SATB1: variants seen among roughly 807,000 people sequenced by gnomAD.
The protein encoded by SATB1 is DNA-binding protein SATB1.
Under a neutral mutation model 86.9 loss-of-function variants are expected in SATB1, and 11 were observed. The ratio of observed to expected loss-of-function variants is 0.13; its 90% CI spans 0.08 to 0.21. SATB1 has a LOEUF of 0.21. Among genes scored for constraint, SATB1 ranks in the 10% least tolerant of loss-of-function variants. The probability of loss-of-function intolerance (pLI) is 1.00; values close to 1 mark genes in which losing one functional copy is unlikely to be tolerated. For synonymous variants in SATB1, 357 were observed against 357.2 expected (o/e 1.00, Z 0.01); for missense variants, 551 against 937.6 (o/e 0.59, Z 5.39).
chr3:18,383,607 G>A (rs1696167703), intron 8 of SATB1, among the ~76,000 whole-genome samples: 2 of 152,066 alleles, frequency 1.3e-5, no homozygotes, highest in Admixed American at 1.3e-4. Flanking sequence ...CTCCTCTTTG[G>A]CAAAATGTAA....
chr3:18,409,408 A>C (rs891412260), intron 5 of SATB1: 2 of 152,058 alleles, frequency 1.3e-5, no homozygotes, highest in African/African-American at 4.8e-5. Flanking sequence ...ACACATTATA[A>C]TATTAACACA....
upstream of SATB1, among the ~76,000 whole-genome samples, chr3:18,425,816 A>C (rs1047838476): frequency 2.0e-4 from 13 of 63,452 alleles, no homozygotes; most frequent in South Asian, 1.2e-3. Flanking sequence ...TGTGAGTGGG[A>C]GGGAGGAGGG....
intron 5 of SATB1, among the ~76,000 whole-genome samples, chr3:18,408,360 G>T (rs576134501): frequency 2.0e-5 from 3 of 151,914 alleles, no homozygotes; most frequent in Non-Finnish European, 4.4e-5. Flanking sequence ...TTTCTGTAGC[G>T]CCCTTCATGC....
At chr3:18,418,029 G>A (rs73177745) in intron 2 of SATB1, among the ~76,000 whole-genome samples, 1,559 of 152,222 alleles carry the variant, frequency 0.01, 25 homozygotes, top group African/African-American at 0.028. Context: ...TTTATGCAGC[G>A]CACTGTCAGA....
At chr3:18,439,466 T>C (rs552379599), upstream of SATB1, among the ~76,000 whole-genome samples, 4 of 152,286 alleles carry the variant, frequency 2.6e-5, no homozygotes, top group South Asian at 8.3e-4. Flanking sequence ...AAAGATACCA[T>C]TGGCATAAGT....
chr3:18,371,810 C>T (rs1227980620), intron 9 of SATB1, among the ~76,000 whole-genome samples: 1 of 152,138 alleles, frequency 6.6e-6, no homozygotes, highest in African/African-American at 2.4e-5. Flanking sequence ...AGAAAAAACA[C>T]TTTCATCTTC....
chr3:18,401,483 T>G (rs1236789167), intron 5 of SATB1, among the ~76,000 whole-genome samples: 2 of 152,132 alleles, frequency 1.3e-5, no homozygotes, highest in African/African-American at 4.8e-5. Context: ...TCTCTCAGTG[T>G]CTATTTATAT....
intron 5 of SATB1, among the ~76,000 whole-genome samples, chr3:18,414,703 C>T (rs1008832437): frequency 3.3e-5 from 5 of 151,982 alleles, no homozygotes; most frequent in Admixed American, 6.6e-5. Context: ...TCAGATAGCA[C>T]GGTGAAGTTT....
chr3:18,443,024 C>T (rs541347283), upstream of SATB1, among the ~76,000 whole-genome samples: 4 of 152,308 alleles, frequency 2.6e-5, no homozygotes, highest in African/African-American at 9.6e-5. The surrounding 1 kb of genome is among the most constrained non-coding windows in gnomAD (Gnocchi z 4.4). Flanking sequence ...TTTCTTCAGA[C>T]TTAAAGTATG....
chr3:18,394,879 G>T lies in SATB1; in HGVS notation c.789C>A (p.Gly263=), dbSNP rs142653340. ...GCTGGCCAAAATTGACATGATTGGC[G>T]CCTTGCTGGGATAGCTCAGAAAGAC... The part of the protein sequence containing the change: ...MDSLSELSQQ[G]ANHVNFGQQP... The change falls in exon 7 of 11, where the codon GGC becomes GGA. Residue 263 remains glycine (G), a synonymous_variant. Transcript: ENST00000338745. This position sits in a 1 kb window ranked among gnomAD's most constrained non-coding sequence, Gnocchi z 5.9. 7.0e-4 allele frequency: 1,126 copies of T among 1,609,704 alleles called. 10 individuals are homozygous for T. In the East Asian group the frequency reaches 0.015, roughly 21 times the overall value.
chr3:18,420,238 T>TA (rs1160176358), intron 2 of SATB1, among the ~76,000 whole-genome samples: 2 of 152,104 alleles, frequency 1.3e-5, no homozygotes, highest in African/African-American at 4.8e-5. Context: ...AAAACAAAAA[T>TA]AAAAAACTAG....
At chr3:18,412,324 G>T (rs1401802609) in intron 5 of SATB1, among the ~76,000 whole-genome samples, 3 of 151,996 alleles carry the variant, frequency 2.0e-5, no homozygotes, top group Non-Finnish European at 4.4e-5. Flanking sequence ...TAAGAGCATT[G>T]GAGGCAGGGC....
chr3:18,345,956 T>C lies in SATB1; in HGVS notation c.*3214A>G, dbSNP rs999915031. ...TCTTGAATCATCTGAGAATGTTTTC[T>C]ATTCAAGCCAGTATTTTTAGATAAA... On this transcript the variant is annotated 3_prime_UTR_variant, in exon 11 of 11. Transcript: ENST00000338745. 6.6e-6 allele frequency: 1 copy of C among 152,158 alleles called. No individual in the cohort carries two copies. The highest frequency in any genetic ancestry group is 2.4e-5 in the African/African-American group (1 of 41,464). The allele number at this position is 152,158 out of a possible 1,614,324, so 9.4% of individuals were successfully genotyped here.
At chr3:18,397,009 T>A (rs1022269312) in intron 6 of SATB1, among the ~76,000 whole-genome samples, 170 bp downstream of exon 6, 1 of 152,166 alleles carries the variant, frequency 6.6e-6, no homozygotes, top group Admixed American at 6.5e-5. Flanking sequence ...AAACATTTAT[T>A]GAATTTAATT....
rs1046161775 is a variant in SATB1 at position 18,424,985 on chromosome 3, C to G, written c.-1383G>C. The G allele has an allele frequency of 1.9e-5, 3 of 155,456 alleles. No individual in the cohort carries two copies. The highest frequency in any genetic ancestry group is 2.9e-5 in the Non-Finnish European group (2 of 70,148). The allele number at this position is 155,456 out of a possible 1,614,324, so 9.6% of individuals were successfully genotyped here. A position where few individuals can be genotyped will look rare whatever the true frequency, so the allele number is the denominator to read the frequency against. ...CGCGAGTCCCCGGACGGGGCTGCTT[C>G]TCTCGCTCTCTCCCTCGCTAGCTCT... On this transcript the variant is annotated 5_prime_UTR_variant, in exon 1 of 11. Transcript: ENST00000338745.
At chr3:18,431,547 G>A (rs1698890866) in intron 2 of SATB1, among the ~76,000 whole-genome samples, 1 of 152,172 alleles carries the variant, frequency 6.6e-6, no homozygotes, top group Non-Finnish European at 1.5e-5. Context: ...AAATCAGAAT[G>A]GCTGAGGATG....
rs777031003 is a variant in SATB1, at chr3:18,420,766, G to T, written c.202C>A (p.Leu68Ile). The change falls in exon 2 of 11, where the codon CTT becomes ATT. Residue 68 changes from leucine to isoleucine, a missense_variant. Leu to Ile is a conservative substitution (Grantham distance 5). Coordinates refer to ENST00000338745, the MANE Select transcript of SATB1 (RefSeq NM_002971.6). ...KHSGHLMKTN[L>I]RKGTMLPVFC... ...GCTTGAAGGTATTTACCTTTCCTAA[G>T]GTTGGTTTTCATCAGATGGCCCGAG... The T allele has an allele frequency of 6.2e-7, 1 of 1,613,368 alleles. No homozygotes were observed. Among genetic ancestry groups the T allele is most frequent in the African/African-American group, 1.3e-5 (1 of 74,880 alleles).
At chr3:18,410,735 C>T in intron 5 of SATB1, 2 of 244,944 alleles carry the variant, frequency 8.2e-6, no homozygotes, top group Non-Finnish European at 1.5e-5. Context: ...TGGCTATTCT[C>T]TTAAGAATGT....
intron 4 of SATB1, 54 bp downstream of exon 4, chr3:18,415,953 T>C: frequency 6.7e-6 from 10 of 1,486,772 alleles, no homozygotes; most frequent in Non-Finnish European, 9.0e-6. Flanking sequence ...ATGCTTCATT[T>C]CAAAAGACCA....
Sources: gnomAD v4.1 joint callset for allele counts (sites outside exome capture counted in the v4.1 genomes callset) on GRCh38, gnomAD v4.1.1 for gene constraint, Gnocchi (gnomAD v3.1) non-coding constraint, MANE v1.5 for transcripts, NCBI Gene and HGNC (gene_info 2026-07-23, HGNC 2026-07-21) for gene names.